PDZD2: variants seen among roughly 807,000 people sequenced by gnomAD.
PDZD2 encodes PDZ domain-containing protein 2.
In PDZD2, 90 loss-of-function variants were observed where a neutral mutation model predicts 220.7. That is an observed-to-expected ratio of 0.41 (90% confidence interval 0.34 to 0.49). PDZD2 has a LOEUF of 0.49. Ranked by LOEUF, PDZD2 falls within the 20% of genes least tolerant of loss-of-function variation. The pLI is 0.28. For synonymous variants in PDZD2, 1,375 were observed against 1,450.5 expected (o/e 0.95, Z 1.18); for missense variants, 3,174 against 3,608.5 (o/e 0.88, Z 3.08).
At chr5:32,021,270 ATTG>A (rs150418308) in intron 6 of PDZD2, among the ~76,000 whole-genome samples, 6,497 of 150,298 alleles carry the variant, frequency 0.043, 457 homozygotes, top group African/African-American at 0.15. Context: ...TTTTTTTTTA[ATTG>A]TTGTTGTTTT....
At chr5:31,708,118 A>G (rs1725515748) in intron 1 of PDZD2, among the ~76,000 whole-genome samples, 1 of 152,104 alleles carries the variant, frequency 6.6e-6, no homozygotes, top group Admixed American at 6.6e-5. Context: ...AGTTGAACCA[A>G]TCAAGTCCAG....
chr5:31,790,664 A>T (rs1580761543), intron 1 of PDZD2, among the ~76,000 whole-genome samples: 3 of 141,146 alleles, frequency 2.1e-5, no homozygotes, highest in African/African-American at 7.7e-5. Flanking sequence ...TTTACTTTTT[A>T]ACTTAGAATC....
At chr5:31,869,367 G>A (rs1476817953) in intron 2 of PDZD2, among the ~76,000 whole-genome samples, 1 of 151,728 alleles carries the variant, frequency 6.6e-6, no homozygotes, top group African/African-American at 2.4e-5. Context: ...CTTTTTTTCT[G>A]CCTCCCCCAC....
At chr5:31,741,345 C>T (rs13178958) in intron 1 of PDZD2, among the ~76,000 whole-genome samples, 23,413 of 150,326 alleles carry the variant, frequency 0.16, 1,848 homozygotes, top group African/African-American at 0.18. Flanking sequence ...AAAATTGATT[C>T]AGTTTAAAGC....
chr5:31,720,779 G>A (rs144219930), intron 1 of PDZD2, among the ~76,000 whole-genome samples: 482 of 152,286 alleles, frequency 3.2e-3, no homozygotes, highest in African/African-American at 0.011. Flanking sequence ...GACCCTCTCT[G>A]GAAGGGGAGT....
At position 31,935,354 on chromosome 5, in the gene PDZD2, A is replaced by T. The variant is rs1745633735; in HGVS notation, c.477-47801A>T. ...AATTTTACCCATAATAGAAACTACT[A>T]TATATGTGTGTTGGTTTAGGGAAGC... On this transcript the variant is annotated intron_variant, in intron 2 of 24. Coordinates refer to ENST00000438447, the MANE Select transcript of PDZD2 (RefSeq NM_178140.4). Among the ~76,000 whole-genome samples, 3 of 152,172 alleles carry T rather than the reference A, an allele frequency of 2.0e-5. No individual in the cohort carries two copies. The South Asian group carries it at 6.2e-4, about 32-fold the overall frequency.
chr5:31,765,742 G>T (rs1162999553), intron 1 of PDZD2, among the ~76,000 whole-genome samples: 1 of 152,180 alleles, frequency 6.6e-6, no homozygotes, highest in Non-Finnish European at 1.5e-5. Context: ...CCCATGAAAA[G>T]TGGTCACCAC....
chr5:31,935,087 C>CAA (rs57215375), intron 2 of PDZD2, among the ~76,000 whole-genome samples: 35,634 of 143,322 alleles, frequency 0.25, 4,530 homozygotes, highest in South Asian at 0.31. Context: ...GACCCTGTCT[C>CAA]AAAAAAAAAA....
In PDZD2 at chr5:32,087,893, C is replaced by A; in HGVS notation, c.4445C>A (p.Ser1482Tyr). The A allele has an allele frequency of 1.9e-6, 3 of 1,613,098 alleles. No homozygotes were observed. The highest frequency in any genetic ancestry group is 2.5e-6 in the Non-Finnish European group (3 of 1,179,662). The change falls in exon 20 of 25, where the codon TCC becomes TAC. Residue 1482 changes from serine (S) to tyrosine (Y), a missense_variant. By Grantham distance (144) the Ser-to-Tyr change is moderately radical (BLOSUM62 -2). Transcript: ENST00000438447. The surrounding 1 kb of genome is among the most constrained non-coding windows in gnomAD (Gnocchi z 4.0). ...CCAGTCCCGGGGGGCCAGACCTCCT[C>A]CCCGAGGAGGGCCTGGGCTGCTGGT... is the stretch of plus-strand genomic sequence containing the variant. The part of the protein sequence containing the change: ...AEPVPGGQTS[S>Y]PRRAWAAGAP...
chr5:32,003,356 AC>A (rs1561318134), intron 5 of PDZD2, among the ~76,000 whole-genome samples: 4 of 30,322 alleles, frequency 1.3e-4, no homozygotes, highest in Admixed American at 4.1e-4. Context: ...CACACCACAC[AC>A]CACACCACAC....
At chr5:31,897,426 A>T (rs1416728050) in intron 2 of PDZD2, among the ~76,000 whole-genome samples, 1 of 152,164 alleles carries the variant, frequency 6.6e-6, no homozygotes, top group East Asian at 1.9e-4. Flanking sequence ...AGAGTGTTGT[A>T]CACACCTCTG....
chr5:31,956,745 C>A (rs1407302067), intron 2 of PDZD2, among the ~76,000 whole-genome samples: 1 of 82,570 alleles, frequency 1.2e-5, no homozygotes, highest in East Asian at 4.0e-4. Context: ...GGCAACAGAG[C>A]AAGACTCCAT....
intron 1 of PDZD2, among the ~76,000 whole-genome samples, chr5:31,662,878 CT>C (rs1745831621): frequency 6.6e-6 from 1 of 152,238 alleles, no homozygotes; most frequent in Admixed American, 6.5e-5. Flanking sequence ...GATCCACCCG[CT>C]GTGGCCTCCC....
chr5:31,946,612 A>G (rs1746657161), intron 2 of PDZD2, among the ~76,000 whole-genome samples: 2 of 152,142 alleles, frequency 1.3e-5, no homozygotes, highest in African/African-American at 2.4e-5. Flanking sequence ...GTTTGCTTAA[A>G]TCTTTACCGA....
At chr5:31,677,858 G>A (rs2150121540) in intron 1 of PDZD2, among the ~76,000 whole-genome samples, 1 of 152,114 alleles carries the variant, frequency 6.6e-6, no homozygotes, top group African/African-American at 2.4e-5. Flanking sequence ...CGTTTAGGGG[G>A]TCGAATGGGG....
chr5:32,067,300 A>G (rs1213346497), intron 14 of PDZD2, among the ~76,000 whole-genome samples: 2 of 152,226 alleles, frequency 1.3e-5, no homozygotes, highest in African/African-American at 4.8e-5. Context: ...AGAAAGTAAT[A>G]GAAGTCCATT....
intron 2 of PDZD2, among the ~76,000 whole-genome samples, chr5:31,947,082 T>C (rs193106379): frequency 2.1e-4 from 32 of 152,316 alleles, no homozygotes; most frequent in Middle Eastern, 3.4e-3. Context: ...CCTGATTTTA[T>C]GGATGAGGAA....
chr5:31,794,655 C>T (rs1272578932), intron 1 of PDZD2, among the ~76,000 whole-genome samples: 4 of 152,104 alleles, frequency 2.6e-5, no homozygotes, highest in Non-Finnish European at 1.5e-5. Flanking sequence ...GATCTGCCCG[C>T]CTGGGCCTCC....
chr5:32,048,196 T>C (rs191755070), intron 7 of PDZD2, among the ~76,000 whole-genome samples: 47 of 152,338 alleles, frequency 3.1e-4, no homozygotes, highest in African/African-American at 1.0e-3. Context: ...CAAAATGATA[T>C]TCCTCCATCA....
Sources: gnomAD v4.1 joint callset for allele counts (sites outside exome capture counted in the v4.1 genomes callset) on GRCh38, gnomAD v4.1.1 for gene constraint, Gnocchi (gnomAD v3.1) non-coding constraint, MANE v1.5 for transcripts, NCBI Gene and HGNC (gene_info 2026-07-23, HGNC 2026-07-21) for gene names.